The following CENPQ variants were observed in gnomAD, a reference collection of about 807,000 sequenced individuals.
CENPQ encodes chromosome 6 open reading frame 139.
Under a neutral mutation model 36.6 loss-of-function variants are expected in CENPQ, and 27 were observed. The ratio of observed to expected loss-of-function variants is 0.74; its 90% CI spans 0.54 to 1.02. The LOEUF is 1.02. Ranked by LOEUF, CENPQ falls within the 50% of genes least tolerant of loss-of-function variation. The probability of loss-of-function intolerance (pLI) is 0.00; values close to 1 mark genes in which losing one functional copy is unlikely to be tolerated. For synonymous variants in CENPQ, 101 were observed against 101.7 expected (o/e 0.99, Z 0.04); for missense variants, 306 against 301.8 (o/e 1.01, Z -0.10).
chr6:49,470,960 G>GT lies in CENPQ; in HGVS notation c.103-9dup. On this transcript the variant is annotated splice_polypyrimidine_tract_variant and intron_variant, in intron 2 of 8. Coordinates refer to ENST00000335783, the MANE Select transcript of CENPQ (RefSeq NM_018132.4). Reference sequence around the variant, plus strand: ...TAATTCTGTTTATGTTTATGCATGTGTTTTTCCCTCTAGGTTAGAAACACA... The same window carrying GT: ...TAATTCTGTTTATGTTTATGCATGTGTTTTTTCCCTCTAGGTTAGAAACACA... The GT allele has an allele frequency of 2.1e-6, 3 of 1,454,702 alleles. No homozygotes were observed. The highest frequency in any genetic ancestry group is 2.8e-6 in the Non-Finnish European group (3 of 1,085,094). The allele number at this position is 1,454,702 out of a possible 1,614,324, so 90.1% of individuals were successfully genotyped here.
At chr6:49,481,679 C>T (rs775743781) in intron 6 of CENPQ, among the ~76,000 whole-genome samples, 8 of 152,002 alleles carry the variant, frequency 5.3e-5, no homozygotes, top group Non-Finnish European at 1.2e-4. Flanking sequence ...TTTGACAGGG[C>T]GCTGATTGGT....
chr6:49,473,884 A>G (rs914531084), intron 5 of CENPQ, among the ~76,000 whole-genome samples: 1 of 152,200 alleles, frequency 6.6e-6, no homozygotes, highest in African/African-American at 2.4e-5. Context: ...CTCTGATAAA[A>G]CAGACTTTAA....
chr6:49,472,957 CTT>C, intron 5 of CENPQ, 99 bp downstream of exon 5: 1 of 886,820 alleles, frequency 1.1e-6, no homozygotes. Context: ...GTAAGTTTTT[CTT>C]TTTTTTTAGA....
intron 6 of CENPQ, among the ~76,000 whole-genome samples, chr6:49,483,150 C>A (rs377710572): frequency 6.6e-6 from 1 of 152,250 alleles, no homozygotes; most frequent in East Asian, 1.9e-4. Context: ...GAGCTAGACA[C>A]AAAGGTTCTC....
chr6:49,467,910 A>T (rs1250567289), intron 1 of CENPQ, among the ~76,000 whole-genome samples: 1 of 152,184 alleles, frequency 6.6e-6, no homozygotes, highest in African/African-American at 2.4e-5. Context: ...GGGAGGCAGA[A>T]TTACTCAAAG....
At chr6:49,468,908 A>G (rs1234928256) in intron 1 of CENPQ, among the ~76,000 whole-genome samples, 1 of 152,190 alleles carries the variant, frequency 6.6e-6, no homozygotes, top group Non-Finnish European at 1.5e-5. Context: ...AAATTCTGTC[A>G]TGTGGATGGG....
intron 6 of CENPQ, among the ~76,000 whole-genome samples, chr6:49,484,867 T>C (rs1014521787): frequency 1.3e-5 from 2 of 152,180 alleles, no homozygotes; most frequent in African/African-American, 4.8e-5. Context: ...ATGACGTTTA[T>C]TTAGGTTATT....
intron 8 of CENPQ, among the ~76,000 whole-genome samples, chr6:49,490,580 A>G (rs1415760453): frequency 1.3e-5 from 2 of 152,156 alleles, no homozygotes; most frequent in Non-Finnish European, 2.9e-5. Context: ...TGCATTCACA[A>G]CTTGGGCGTT....
rs569925448 is a variant in CENPQ, at chr6:49,475,687, C to A, written c.347+2829C>A. Among the ~76,000 whole-genome samples the A allele has an allele frequency of 4.1e-3, 627 of 152,206 alleles. 9 individuals are homozygous for A. Among genetic ancestry groups the A allele is most frequent in the African/African-American group, 0.014 (600 of 41,518 alleles). On this transcript the variant is annotated intron_variant, in intron 5 of 8. Transcript: ENST00000335783. ...TATCTAGAAAACCCCATTGTCTCAG[C>A]CCAAAATCTCCTTAAGCTGATAAGC...
chr6:49,483,756 T>A (rs1768511022), intron 6 of CENPQ, among the ~76,000 whole-genome samples: 1 of 152,214 alleles, frequency 6.6e-6, no homozygotes, highest in Non-Finnish European at 1.5e-5. Flanking sequence ...ACAGCTGACC[T>A]GCAAGCACCG....
chr6:49,476,149 C>A (rs1245110415), intron 5 of CENPQ, among the ~76,000 whole-genome samples: 1 of 152,024 alleles, frequency 6.6e-6, no homozygotes, highest in Non-Finnish European at 1.5e-5. Context: ...AAGCTGGAGG[C>A]ATCACACTAC....
At chr6:49,485,633 G>A (rs1326159904) in intron 6 of CENPQ, among the ~76,000 whole-genome samples, 1 of 152,138 alleles carries the variant, frequency 6.6e-6, no homozygotes, top group African/African-American at 2.4e-5. Flanking sequence ...ACTGATAAAT[G>A]TAAGTAGAGA....
intron 1 of CENPQ, among the ~76,000 whole-genome samples, chr6:49,466,637 C>G (rs1768005915): frequency 6.6e-6 from 1 of 152,092 alleles, no homozygotes; most frequent in African/African-American, 2.4e-5. Context: ...GGACAAAATA[C>G]CTATTCATTT....
At chr6:49,488,910 A>G (rs547723695) in intron 8 of CENPQ, among the ~76,000 whole-genome samples, 2 of 152,228 alleles carry the variant, frequency 1.3e-5, no homozygotes, top group Non-Finnish European at 2.9e-5. Flanking sequence ...TAATTTAGAA[A>G]ACGCTTTACT....
chr6:49,474,430 CGAAAT>C (rs1032241757), intron 5 of CENPQ, among the ~76,000 whole-genome samples: 2 of 151,984 alleles, frequency 1.3e-5, no homozygotes, highest in African/African-American at 2.4e-5. Flanking sequence ...GGGTACATAA[CGAAAT>C]GAAGGCAGAA....
chr6:49,491,968 A>G (rs1422773197), intron 8 of CENPQ, among the ~76,000 whole-genome samples, 176 bp from the exon 9 acceptor site: 1 of 152,190 alleles, frequency 6.6e-6, no homozygotes, highest in Non-Finnish European at 1.5e-5. Context: ...CAGTGGTGAA[A>G]GGAGCAGGAT....
Position 49,484,522 on chromosome 6 carries a change from C to CA in CENPQ, c.477+3443dup, listed in dbSNP as rs138805946. ...CACATATGGGACCGTATCTCTTAGA[C>CA]ATTTTGAAGTAGTTTGTAGATGTGG... On this transcript the variant is annotated intron_variant, in intron 6 of 8. Coordinates refer to ENST00000335783, the MANE Select transcript of CENPQ (RefSeq NM_018132.4). 3.8e-3 allele frequency among the ~76,000 whole-genome samples: 577 copies of CA among 152,270 alleles called. 7 individuals carry two copies. Among genetic ancestry groups the CA allele is most frequent in the African/African-American group, 0.013 (544 of 41,556 alleles).
At chr6:49,475,912 A>G (rs1343872287) in intron 5 of CENPQ, among the ~76,000 whole-genome samples, 3 of 152,322 alleles carry the variant, frequency 2.0e-5, no homozygotes, top group African/African-American at 4.8e-5. Context: ...CCACTGCTCA[A>G]CGAAATAAAA....
intron 5 of CENPQ, among the ~76,000 whole-genome samples, chr6:49,474,726 A>G (rs1333930569): frequency 2.0e-5 from 3 of 152,080 alleles, no homozygotes; most frequent in African/African-American, 4.8e-5. Context: ...CCAGGAGCTG[A>G]TTTTTTGAAA....
Sources: gnomAD v4.1 joint callset for allele counts (sites outside exome capture counted in the v4.1 genomes callset) on GRCh38, gnomAD v4.1.1 for gene constraint, MANE v1.5 for transcripts, NCBI Gene and HGNC (gene_info 2026-07-23, HGNC 2026-07-21) for gene names.